Variants in AKAP12 observed in about 807,000 individuals in gnomAD.
AKAP12 encodes A-kinase anchor protein 12.
Under a neutral mutation model 79.9 loss-of-function variants are expected in AKAP12, and 32 were observed. The observed-to-expected ratio is 0.40, with a 90% CI of 0.30 to 0.54. The LOEUF (loss-of-function observed/expected upper bound fraction) is 0.54. AKAP12 is among the 20% of genes least tolerant of loss of function. The pLI is 0.48. For synonymous variants in AKAP12, 808 were observed against 857.0 expected (o/e 0.94, Z 1.00); for missense variants, 2,074 against 2,177.0 (o/e 0.95, Z 0.94).
rs369142949 is a variant in AKAP12 at position 151,352,477 on chromosome 6, A to G, written c.4086A>G (p.Thr1362=). The change falls in exon 4 of 5, where the codon ACA becomes ACG. Residue 1362 remains threonine, a synonymous_variant. Coordinates refer to ENST00000402676, the MANE Select transcript of AKAP12 (RefSeq NM_005100.4). The part of the protein sequence containing the change: ...HVNEEKLEHE[T]AVTVSEEVSK... The stretch of plus-strand genomic sequence containing the variant: ...ATGAAGAGAAGCTTGAGCACGAAAC[A>G]GCTGTTACCGTATCTGAAGAGGTCA... 9 of 1,614,110 alleles carry G rather than the reference A, an allele frequency of 5.6e-6. No individual in the cohort carries two copies. Among genetic ancestry groups the G allele is most frequent in the Admixed American group, 5.0e-5 (3 of 60,010 alleles).
intron 3 of AKAP12, among the ~76,000 whole-genome samples, chr6:151,347,166 A>G (rs1778123147): frequency 6.6e-6 from 1 of 152,236 alleles, no homozygotes; most frequent in Non-Finnish European, 1.5e-5. Context: ...CCTTCAAGCC[A>G]GTTCTTGTGT....
chr6:151,325,492 G>C (rs1002696073), intron 3 of AKAP12: 6 of 985,264 alleles, frequency 6.1e-6, no homozygotes, highest in Admixed American at 6.2e-5. Flanking sequence ...AGCCCAGCTC[G>C]GGGGAGGGCT....
chr6:151,260,938 G>A (rs1437945637), intron 2 of AKAP12, among the ~76,000 whole-genome samples: 1 of 152,040 alleles, frequency 6.6e-6, no homozygotes, highest in Non-Finnish European at 1.5e-5. Context: ...GTTGCAGTGA[G>A]CCGAGATCGT....
intron 3 of AKAP12, among the ~76,000 whole-genome samples, chr6:151,345,186 C>T (rs1321923873): frequency 6.6e-6 from 1 of 151,982 alleles, no homozygotes. Context: ...CACCATTCTC[C>T]TTCCTCAGTC....
intron 2 of AKAP12, among the ~76,000 whole-genome samples, chr6:151,281,355 T>G (rs1012160846): frequency 6.6e-6 from 1 of 152,252 alleles, no homozygotes; most frequent in African/African-American, 2.4e-5. Flanking sequence ...GGATGGTGTT[T>G]TAAGTTTGCC....
intron 3 of AKAP12, among the ~76,000 whole-genome samples, chr6:151,343,126 C>T (rs948474853): frequency 5.3e-5 from 8 of 152,088 alleles, no homozygotes; most frequent in African/African-American, 1.4e-4. Context: ...CTAGTTTTGA[C>T]TATAAACATG....
At chr6:151,287,885 T>C (rs1040413378) in intron 2 of AKAP12, among the ~76,000 whole-genome samples, 2 of 152,122 alleles carry the variant, frequency 1.3e-5, no homozygotes, top group Non-Finnish European at 2.9e-5. Flanking sequence ...TATGCAGCCA[T>C]AAGAAAGGAC....
intron 3 of AKAP12, among the ~76,000 whole-genome samples, chr6:151,311,778 G>C (rs1203419200): frequency 6.6e-6 from 1 of 152,126 alleles, no homozygotes; most frequent in Non-Finnish European, 1.5e-5. Flanking sequence ...AAACAGAAAG[G>C]CCGAAAGATT....
intron 3 of AKAP12, among the ~76,000 whole-genome samples, chr6:151,345,844 T>C (rs1778080770): frequency 7.0e-6 from 1 of 143,180 alleles, no homozygotes; most frequent in African/African-American, 2.6e-5. Context: ...AAAACTAAAA[T>C]AAATGACATT....
intron 3 of AKAP12, among the ~76,000 whole-genome samples, chr6:151,326,327 A>G (rs1431534418): frequency 2.0e-5 from 3 of 152,124 alleles, no homozygotes; most frequent in Non-Finnish European, 4.4e-5. Context: ...GCAAATTACA[A>G]GTGTTTGCAT....
chr6:151,250,206 A>G (rs943568658), intron 2 of AKAP12, among the ~76,000 whole-genome samples: 1 of 152,110 alleles, frequency 6.6e-6, no homozygotes, highest in Non-Finnish European at 1.5e-5. Flanking sequence ...TCTCAAAAAA[A>G]TAAATAAATA....
intron 3 of AKAP12, among the ~76,000 whole-genome samples, chr6:151,347,028 A>G (rs7758587): frequency 0.68 from 103,243 of 151,826 alleles, 35,642 homozygotes; most frequent in Non-Finnish European, 0.74. Context: ...TCTTTTTCAC[A>G]TCAGACGAGT....
At chr6:151,265,404 T>C (rs547608360) in intron 2 of AKAP12, among the ~76,000 whole-genome samples, 3 of 152,342 alleles carry the variant, frequency 2.0e-5, no homozygotes, top group Non-Finnish European at 2.9e-5. Context: ...GCTTAAAACT[T>C]TTCCTTTGCA....
At chr6:151,296,243 C>T (rs9371507) in intron 2 of AKAP12, among the ~76,000 whole-genome samples, 13,210 of 152,162 alleles carry the variant, frequency 0.087, 761 homozygotes, top group East Asian at 0.28. Flanking sequence ...CATGCCCACC[C>T]CGGGATGCAT....
chr6:151,339,440 T>G (rs1777893951), intron 3 of AKAP12, among the ~76,000 whole-genome samples: 1 of 152,240 alleles, frequency 6.6e-6, no homozygotes, highest in Non-Finnish European at 1.5e-5. Context: ...AAGAGCAGTT[T>G]CAGGTTCACA....
At chr6:151,312,793 C>CA (rs55685824) in intron 3 of AKAP12, among the ~76,000 whole-genome samples, 3,730 of 72,836 alleles carry the variant, frequency 0.051, 338 homozygotes, top group African/African-American at 0.18. Flanking sequence ...ACTCTGTCTC[C>CA]AAAAAAAAAA....
chr6:151,240,172 T>G (rs573541357), intron 1 of AKAP12, 113 bp downstream of exon 1: 159 of 172,356 alleles, frequency 9.2e-4, no homozygotes, highest in Non-Finnish European at 1.6e-3. Context: ...CTAGTCGCCC[T>G]GTTAGAAACG....
rs1032882144 is a variant in AKAP12 at position 151,348,885 on chromosome 6, C to T, written c.494C>T (p.Ser165Phe). Residue 165 changes from serine (S) to phenylalanine (F), a missense_variant, in exon 4 of 5, where the codon TCC (serine) becomes TTC (phenylalanine). By Grantham distance (155) the Ser-to-Phe change is radical. Around this residue, in one of 3 missense-constraint regions of AKAP12, gnomAD observed 1,428 missense variants for 1,451.0 expected, o/e 0.98. Transcript: ENST00000402676. Reference sequence around the variant, plus strand: ...GAAGAGCTAACACAACCCACTGAGTCCCAGGCTAATGATATTGGATTTAAG... The same window carrying T: ...GAAGAGCTAACACAACCCACTGAGTTCCAGGCTAATGATATTGGATTTAAG... ...NLEELTQPTE[S>F]QANDIGFKKV... 5 of 1,614,086 alleles carry T rather than the reference C, an allele frequency of 3.1e-6. No homozygotes were observed. Among genetic ancestry groups the T allele is most frequent in the African/African-American group, 1.3e-5 (1 of 75,016 alleles).
intron 3 of AKAP12, among the ~76,000 whole-genome samples, chr6:151,321,087 A>G (rs76466368): frequency 6.6e-6 from 1 of 151,876 alleles, no homozygotes; most frequent in Non-Finnish European, 1.5e-5. Flanking sequence ...CCTGGGTTCA[A>G]GTGATTCTCA....
Sources: allele counts gnomAD v4.1 joint callset (sites outside exome capture counted in the v4.1 genomes callset), GRCh38; gene constraint gnomAD v4.1.1; regional missense constraint gnomAD v4.1.1; transcripts MANE v1.5; gene names NCBI Gene and HGNC (gene_info 2026-07-23, HGNC 2026-07-21).